The following MATCAP2 variants were observed in gnomAD, a reference collection of about 807,000 sequenced individuals.
The protein encoded by MATCAP2 is microtubule associated tyrosine carboxypeptidase 2.
the MATCAP2 span, among the ~76,000 whole-genome samples, chr7:36,367,979 T>C: frequency 2.0e-5 from 3 of 151,906 alleles, no homozygotes; most frequent in Non-Finnish European, 4.4e-5. Context: ...GTGGGAGGAT[T>C]GCTTGAGTCC....
the MATCAP2 span, chr7:36,330,904 C>A: frequency 1.2e-6 from 1 of 813,030 alleles, no homozygotes; most frequent in South Asian, 1.8e-5. Flanking sequence ...GAAGCTAAGT[C>A]TTATTTAATG....
the MATCAP2 span, among the ~76,000 whole-genome samples, chr7:36,360,317 AC>A: frequency 2.0e-5 from 3 of 152,288 alleles, no homozygotes; most frequent in Non-Finnish European, 2.9e-5. Context: ...CTAAAAAAAA[AC>A]GTCCTAAACC....
chr7:36,366,539 CGCTTA>C, the MATCAP2 span, among the ~76,000 whole-genome samples: 7 of 152,200 alleles, frequency 4.6e-5, no homozygotes, highest in Middle Eastern at 3.2e-3. Flanking sequence ...TGTGTTCTTT[CGCTTA>C]GCTTATTTTT....
At chr7:36,337,170 C>T in the MATCAP2 span, among the ~76,000 whole-genome samples, 1 of 143,050 alleles carries the variant, frequency 7.0e-6, no homozygotes, top group Admixed American at 7.2e-5. Context: ...CTGGGCTACT[C>T]TTTGGCAGAA....
the MATCAP2 span, among the ~76,000 whole-genome samples, chr7:36,339,841 A>AT: frequency 6.6e-6 from 1 of 152,174 alleles, no homozygotes; most frequent in African/African-American, 2.4e-5. Context: ...GCTTATAGAT[A>AT]TTTTTTTTAT....
chr7:36,384,864 G>GAA, the MATCAP2 span, among the ~76,000 whole-genome samples: 2 of 127,494 alleles, frequency 1.6e-5, no homozygotes, highest in Non-Finnish European at 3.4e-5. Context: ...ATAGTGAAAA[G>GAA]AAAAAAAAAA....
At chr7:36,357,709 TAGAAAA>T in the MATCAP2 span, 1 of 737,026 alleles carries the variant, frequency 1.4e-6, no homozygotes, top group East Asian at 2.7e-5. Flanking sequence ...CAGTAATCAT[TAGAAAA>T]AAACATTTTA....
At chr7:36,335,826 T>G in the MATCAP2 span, among the ~76,000 whole-genome samples, 1 of 152,156 alleles carries the variant, frequency 6.6e-6, no homozygotes, top group Non-Finnish European at 1.5e-5. Context: ...ATCCCAGCAC[T>G]CTGGGAGGCC....
chr7:36,353,776 C>G, the MATCAP2 span, among the ~76,000 whole-genome samples: 1 of 152,178 alleles, frequency 6.6e-6, no homozygotes, highest in Non-Finnish European at 1.5e-5. Context: ...CCACCATACC[C>G]AGCCTCCTTG....
the MATCAP2 span, among the ~76,000 whole-genome samples, chr7:36,353,477 T>C: frequency 2.4e-5 from 3 of 125,746 alleles, no homozygotes; most frequent in East Asian, 2.4e-4. Context: ...TCCCTGTTTA[T>C]GCTCTTTTTT....
At chr7:36,342,105 A>G in the MATCAP2 span, among the ~76,000 whole-genome samples, 1 of 152,306 alleles carries the variant, frequency 6.6e-6, no homozygotes, top group Non-Finnish European at 1.5e-5. Flanking sequence ...TCTGTTAGAA[A>G]ATATTTCAGT....
At chr7:36,367,402 G>A in the MATCAP2 span, 1 of 944,972 alleles carries the variant, frequency 1.1e-6, no homozygotes, top group South Asian at 4.9e-5. Flanking sequence ...CTGTGCCCGC[G>A]AGCGCGCTGG....
the MATCAP2 span, among the ~76,000 whole-genome samples, chr7:36,339,018 C>T: frequency 6.6e-6 from 1 of 152,182 alleles, no homozygotes; most frequent in Non-Finnish European, 1.5e-5. Flanking sequence ...AAGATGTTTC[C>T]CTAAAATGTA....
At chr7:36,356,993 T>C in the MATCAP2 span, 4 of 1,614,192 alleles carry the variant, frequency 2.5e-6, no homozygotes, top group South Asian at 1.1e-5. Context: ...ATTGTAGGTA[T>C]AGTCAGATTT....
chr7:36,362,782 T>A, the MATCAP2 span, among the ~76,000 whole-genome samples: 3 of 152,198 alleles, frequency 2.0e-5, no homozygotes, highest in Non-Finnish European at 4.4e-5. Flanking sequence ...TCTATCCCTC[T>A]CTTTGTTAGA....
the MATCAP2 span, among the ~76,000 whole-genome samples, chr7:36,353,698 C>T: frequency 2.0e-5 from 3 of 152,096 alleles, no homozygotes; most frequent in African/African-American, 7.2e-5. Flanking sequence ...TCAGGCTAGT[C>T]TCGAACTTCT....
the MATCAP2 span, among the ~76,000 whole-genome samples, chr7:36,379,026 A>C: frequency 1.3e-5 from 2 of 152,208 alleles, no homozygotes; most frequent in African/African-American, 4.8e-5. Context: ...TGGCTAGGAA[A>C]GGGAAATCCC....
chr7:36,327,030 T>C, the MATCAP2 span: 40 of 903,742 alleles, frequency 4.4e-5, no homozygotes, highest in Non-Finnish European at 4.4e-5. Flanking sequence ...TGTCAAATTA[T>C]TTTAATAGCT....
At chr7:36,333,810 A>G in the MATCAP2 span, 1 of 1,451,914 alleles carries the variant, frequency 6.9e-7, no homozygotes, top group Non-Finnish European at 9.3e-7. Flanking sequence ...AAATCACTAG[A>G]CAACTAGTCA....
Sources: gnomAD v4.1 joint callset for allele counts (sites outside exome capture counted in the v4.1 genomes callset) on GRCh38, gnomAD v4.1.1 for gene constraint, MANE v1.5 for transcripts, NCBI Gene and HGNC (gene_info 2026-07-23, HGNC 2026-07-21) for gene names.